The following YJU2B variants were observed in gnomAD, a reference collection of about 807,000 sequenced individuals.
The protein encoded by YJU2B is probable splicing factor YJU2B.
YJU2B carries 18 observed loss-of-function variants against 38.0 expected under a neutral mutation model. That is an observed-to-expected ratio of 0.47 (90% CI 0.33 to 0.70). YJU2B has a LOEUF of 0.70. Ranked by LOEUF, YJU2B falls within the 30% of genes least tolerant of loss-of-function variation. YJU2B has a pLI of 0.02. For synonymous variants in YJU2B, 246 were observed against 225.4 expected (o/e 1.09, Z -0.82); for missense variants, 538 against 556.3 (o/e 0.97, Z 0.33).
At chr19:13,741,978 G>C (rs562602407) in intron 2 of YJU2B, among the ~76,000 whole-genome samples, 1 of 152,296 alleles carries the variant, frequency 6.6e-6, no homozygotes, top group South Asian at 2.1e-4. Flanking sequence ...CTGGCAAAGA[G>C]AAAAGACTAA....
intron 1 of YJU2B, among the ~76,000 whole-genome samples, chr19:13,748,612 T>G (rs1005725026): frequency 9.9e-5 from 15 of 152,156 alleles, no homozygotes; most frequent in Non-Finnish European, 1.9e-4. Flanking sequence ...GTATTTGCTC[T>G]TTGCAGGCTC....
rs1328190602 is a variant in YJU2B, at chr19:13,754,291, TGAAAG to T, written c.13_17del (p.Lys5GlyfsTer12). On this transcript the variant is annotated frameshift_variant, in exon 3 of 10. Transcript: ENST00000221554. LOFTEE classifies it high-confidence loss of function. The stretch of plus-strand genomic sequence containing the variant: ...CATGTCTCTGTTCTGCTTTGCAGGG[TGAAAG>T]GAAAGGGGTCAACAAGTACTATCCT... 3 of 1,612,828 alleles carry T rather than the reference TGAAAG, an allele frequency of 1.9e-6. No individual in the cohort carries two copies. The highest frequency in any genetic ancestry group is 2.7e-5 in the African/African-American group (2 of 74,842).
intron 4 of YJU2B, among the ~76,000 whole-genome samples, chr19:13,757,148 A>G (rs904531968): frequency 6.6e-6 from 1 of 152,080 alleles, no homozygotes; most frequent in Admixed American, 6.6e-5. Flanking sequence ...CTCAAAAAAA[A>G]AAAGTCGCAG....
At chr19:13,761,867 G>A (rs755196462) in intron 8 of YJU2B, among the ~76,000 whole-genome samples, 10 of 151,822 alleles carry the variant, frequency 6.6e-5, no homozygotes, top group Non-Finnish European at 1.3e-4. Context: ...AGGACCATAG[G>A]CGCATGCCAC....
upstream of YJU2B, among the ~76,000 whole-genome samples, chr19:13,743,265 G>A (rs555599750): frequency 6.6e-4 from 100 of 152,270 alleles, no homozygotes; most frequent in African/African-American, 2.2e-3. Context: ...TTAAAGTGGG[G>A]GCTTACAGGT....
chr19:13,752,917 A>C (rs1237410668), intron 2 of YJU2B, among the ~76,000 whole-genome samples: 3 of 151,940 alleles, frequency 2.0e-5, no homozygotes, highest in Admixed American at 6.6e-5. Flanking sequence ...TGTCTCAAAA[A>C]AAAAAAAGAA....
In YJU2B at chr19:13,762,570, T is replaced by C; in HGVS notation, c.713-20T>C. ...ACCCCCTCCCCTGCCGCCCCTGAAA[T>C]GTCCTCTCCTCTCCTCTAGCCTACG... is the stretch of plus-strand genomic sequence containing the variant. On this transcript the variant is annotated intron_variant, in intron 9 of 9. Transcript: ENST00000221554. 2 of 1,530,410 alleles carry C rather than the reference T, an allele frequency of 1.3e-6. No individual in the cohort carries two copies. The highest frequency in any genetic ancestry group is 4.5e-5 in the East Asian group (2 of 44,228). The allele number at this position is 1,530,410 out of a possible 1,614,324, so 94.8% of individuals were successfully genotyped here.
In YJU2B at chr19:13,762,441, C is replaced by T. The variant is rs1184793925; in HGVS notation, c.712+4C>T. On this transcript the variant is annotated splice_donor_region_variant and intron_variant, in intron 9 of 9. Transcript: ENST00000221554. ...CTGAAGTTCCACACCCTGGACTGTGCGTAGGAGGCCAGGGGGAAAAGGGGA... is the reference window on the plus strand; with the variant it reads ...CTGAAGTTCCACACCCTGGACTGTGTGTAGGAGGCCAGGGGGAAAAGGGGA... The T allele has an allele frequency of 3.7e-6, 6 of 1,611,298 alleles. No individual in the cohort carries two copies. Among genetic ancestry groups the T allele is most frequent in the Non-Finnish European group, 4.2e-6 (5 of 1,179,582 alleles).
Position 13,751,619 on chromosome 19 carries a change from T to G in YJU2B, c.-190T>G. 1.7e-6 allele frequency: 1 copy of G among 603,368 alleles called. No homozygotes were observed. The highest frequency in any genetic ancestry group is 3.0e-6 in the Non-Finnish European group (1 of 329,836). The allele number at this position is 603,368 out of a possible 1,614,324, so 37.4% of individuals were successfully genotyped here. The stretch of plus-strand genomic sequence containing the variant: ...CTCTTTCTAAACAGACACGCCGCTT[T>G]TTGGATGCCTCCTATGCCTGGCGGG... On this transcript the variant is annotated 5_prime_UTR_variant, in exon 2 of 10. Transcript: ENST00000221554.
chr19:13,752,317 C>T lies in YJU2B; in HGVS notation c.3+506C>T, dbSNP rs146620706. Among the ~76,000 whole-genome samples the T allele has an allele frequency of 1.8e-3, 265 of 144,122 alleles. 1 individual carries two copies. The highest frequency in any genetic ancestry group is 6.3e-3 in the African/African-American group (249 of 39,324). The allele number at this position is 144,122 out of a possible 152,430, so 94.5% of individuals were successfully genotyped here. On this transcript the variant is annotated intron_variant, in intron 2 of 9. Transcript: ENST00000221554. Reference sequence around the variant, plus strand: ...TGAAATTCATATAACATAAAATTAACCATTGCAAGGCCAGGCACAGTGGCT... The same window carrying T: ...TGAAATTCATATAACATAAAATTAATCATTGCAAGGCCAGGCACAGTGGCT...
At chr19:13,746,537 T>G (rs1973255307), upstream of YJU2B, among the ~76,000 whole-genome samples, 1 of 152,166 alleles carries the variant, frequency 6.6e-6, no homozygotes, top group African/African-American at 2.4e-5. Context: ...TAAATTGACA[T>G]GTAAACAGAC....
chr19:13,763,282 GTC>G lies in YJU2B; in HGVS notation c.*218_*219del. The G allele has an allele frequency of 2.0e-6, 1 of 507,992 alleles. No individual in the cohort carries two copies. The highest frequency in any genetic ancestry group is 3.5e-6 in the Non-Finnish European group (1 of 289,544). 31.5% of individuals were successfully genotyped at this position (507,992 alleles called of 1,614,324 possible). On this transcript the variant is annotated 3_prime_UTR_variant, in exon 10 of 10. Transcript: ENST00000221554. ...GTGAGACTCCGTACATTAAAGACCT[GTC>G]TCTTCTTCCCTGTCTTGGGTTGTTA... is the stretch of plus-strand genomic sequence containing the variant.
rs1057224718 is a variant in YJU2B at position 13,758,919 on chromosome 19, C to G, written c.309C>G (p.Asp103Glu). ...LCVNYIEMQT[D>E]PANCDYVIVS... ...TCAACTACATCGAGATGCAGACGGA[C>G]CCCGCCAACTGCGACTACGTGATCG... Residue 103 changes from aspartate (D) to glutamate (E), a missense_variant, in exon 7 of 10, where the codon GAC becomes GAG. Asp to Glu is a conservative substitution (Grantham distance 45). Coordinates refer to ENST00000221554, the MANE Select transcript of YJU2B (RefSeq NM_030818.4). 3 of 1,613,918 alleles carry G rather than the reference C, an allele frequency of 1.9e-6. No individual in the cohort carries two copies. The African/African-American group carries it at 4.0e-5, about 22-fold the overall frequency.
intron 2 of YJU2B, among the ~76,000 whole-genome samples, chr19:13,740,643 TCTC>T (rs1457890668): frequency 6.6e-6 from 1 of 152,198 alleles, no homozygotes; most frequent in East Asian, 1.9e-4. Context: ...TTCAAGCAAT[TCTC>T]CTGCCTCAGC....
chr19:13,752,147 G>T (rs751613805), intron 2 of YJU2B, among the ~76,000 whole-genome samples: 1 of 151,948 alleles, frequency 6.6e-6, no homozygotes, highest in Non-Finnish European at 1.5e-5. Flanking sequence ...TAGAGACGGG[G>T]TTTTGCCATG....
At chr19:13,753,574 CAAA>C (rs34397712) in intron 2 of YJU2B, among the ~76,000 whole-genome samples, 5 of 71,882 alleles carry the variant, frequency 7.0e-5, no homozygotes, top group East Asian at 4.9e-4. Flanking sequence ...AACTCTGTCT[CAAA>C]AAAAAAAAAA....
rs61619895 is a variant in YJU2B at position 13,737,026 on chromosome 19, CAAAA to C, written c.-202+4754_-202+4757del. Among the ~76,000 whole-genome samples the C allele has an allele frequency of 4.2e-5, 5 of 118,000 alleles. No individual in the cohort carries two copies. The East Asian group carries it at 1.2e-3, about 29-fold the overall frequency. 77.4% of individuals were successfully genotyped at this position (118,000 alleles called of 152,430 possible). On this transcript the variant is annotated intron_variant, in intron 2 of 10. Coordinates refer to the YJU2B transcript ENST00000586600. Reference sequence around the variant, plus strand: ...TGAGCAACACAGCAAGACTCATTCTCAAAAAAAAAAAAAAAAGAAAAAAGAGGGT... The same window carrying C: ...TGAGCAACACAGCAAGACTCATTCTCAAAAAAAAAAAAGAAAAAAGAGGGT...
chr19:13,760,840 G>A lies in YJU2B; in HGVS notation c.574-1459G>A, dbSNP rs547219543. Among the ~76,000 whole-genome samples the A allele has an allele frequency of 2.8e-4, 42 of 152,002 alleles. No homozygotes were observed. In the South Asian group the frequency reaches 7.1e-3, roughly 26 times the overall value. On this transcript the variant is annotated intron_variant, in intron 8 of 9. Coordinates refer to ENST00000221554, the MANE Select transcript of YJU2B (RefSeq NM_030818.4). ...TGCTGCAGTGCAGTGGCATGATCCC[G>A]GCTCACTGAAGCCTCCACCCCAGGT...
chr19:13,739,804 T>A (rs1973046644), intron 2 of YJU2B, among the ~76,000 whole-genome samples: 1 of 152,154 alleles, frequency 6.6e-6, no homozygotes, highest in Admixed American at 6.6e-5. Flanking sequence ...CAGCTATATA[T>A]GTGCTGTGGT....
Sources: gnomAD v4.1 joint callset for allele counts (sites outside exome capture counted in the v4.1 genomes callset) on GRCh38, gnomAD v4.1.1 for gene constraint, MANE v1.5 for transcripts, NCBI Gene and HGNC (gene_info 2026-07-23, HGNC 2026-07-21) for gene names.